PRKX: variants seen among roughly 807,000 people sequenced by gnomAD.
The protein encoded by PRKX is protein kinase cAMP-dependent X-linked catalytic subunit, also known as cAMP-dependent protein kinase catalytic subunit PRKX.
A neutral mutation model predicts 22.0 loss-of-function variants in PRKX; 12 were observed. The ratio of observed to expected loss-of-function variants is 0.54; its 90% CI spans 0.35 to 0.88. PRKX has a LOEUF of 0.88. PRKX is among the 40% of genes least tolerant of loss of function. PRKX has a pLI of 0.01. For synonymous variants in PRKX, 134 were observed against 137.7 expected (o/e 0.97, Z 0.19); for missense variants, 217 against 308.0 (o/e 0.70, Z 2.21).
intron 3 of PRKX, among the ~76,000 whole-genome samples, chrX:3,653,813 CTA>C (rs1175196001): frequency 4.9e-5 from 3 of 61,697 alleles, no homozygotes; most frequent in African/African-American, 2.0e-4. Context: ...ATATTATATA[CTA>C]TGTGATATAT....
At chrX:3,712,563 G>A (rs1352765271) in intron 1 of PRKX, among the ~76,000 whole-genome samples, 1 of 112,411 alleles carries the variant, frequency 8.9e-6, no homozygotes, top group Non-Finnish European at 1.9e-5. Flanking sequence ...TGCCGTCCTC[G>A]TCCCCACAGC....
chrX:3,683,715 C>T (rs191949629), intron 1 of PRKX, among the ~76,000 whole-genome samples: 139 of 110,998 alleles, frequency 1.3e-3, no homozygotes, highest in Non-Finnish European at 1.2e-3. Flanking sequence ...GGTGCACAGC[C>T]GTCGTCCCAA....
intron 3 of PRKX, among the ~76,000 whole-genome samples, chrX:3,650,224 G>T (rs1927289786): frequency 9.0e-6 from 1 of 111,681 alleles, no homozygotes; most frequent in South Asian, 3.8e-4. Flanking sequence ...TTTACCCCAT[G>T]CTATAAGAGA....
intron 3 of PRKX, among the ~76,000 whole-genome samples, chrX:3,650,879 TAAA>T (rs57311083): frequency 2.4e-5 from 2 of 82,005 alleles, no homozygotes; most frequent in African/African-American, 5.2e-5. Context: ...ACCCTGTCTT[TAAA>T]AAAAAAAAAA....
intron 6 of PRKX, among the ~76,000 whole-genome samples, chrX:3,619,247 A>C (rs1331130701): frequency 9.0e-6 from 1 of 110,905 alleles, no homozygotes; most frequent in Non-Finnish European, 1.9e-5. Flanking sequence ...GCCATGTGAA[A>C]ATGGAGGTGG....
intron 4 of PRKX, among the ~76,000 whole-genome samples, chrX:3,640,747 G>C: frequency 9.0e-6 from 1 of 111,542 alleles, no homozygotes; most frequent in Non-Finnish European, 1.9e-5. Context: ...TAAGTCACAG[G>C]ACAAGATAGG....
chrX:3,654,056 A>C (rs1374427430), intron 3 of PRKX, among the ~76,000 whole-genome samples: 3 of 83,306 alleles, frequency 3.6e-5, no homozygotes, highest in Non-Finnish European at 6.4e-5. Context: ...TATATATTAT[A>C]TAGTATAATA....
intron 1 of PRKX, among the ~76,000 whole-genome samples, chrX:3,685,094 C>G (rs6641845): frequency 0.18 from 19,857 of 110,643 alleles, 1,444 homozygotes; most frequent in East Asian, 0.39. Context: ...TGGGATTACA[C>G]GCATGAGCCA....
chrX:3,693,597 T>G (rs1007597519), intron 1 of PRKX, among the ~76,000 whole-genome samples: 12 of 111,220 alleles, frequency 1.1e-4, no homozygotes, highest in Non-Finnish European at 1.7e-4. Flanking sequence ...CAAAAATATG[T>G]CTACATCCTA....
chrX:3,697,486 C>T (rs139338145), intron 1 of PRKX, among the ~76,000 whole-genome samples: 1,389 of 111,476 alleles, frequency 0.012, 22 homozygotes, highest in African/African-American at 0.043. Context: ...GAGAACAATC[C>T]TACTTCTTAC....
intron 1 of PRKX, among the ~76,000 whole-genome samples, chrX:3,702,956 A>C (rs894508020): frequency 8.1e-5 from 9 of 110,757 alleles, no homozygotes; most frequent in African/African-American, 2.3e-4. Context: ...CTGGCCTTCC[A>C]AAGTGCTGGG....
intron 3 of PRKX, among the ~76,000 whole-genome samples, chrX:3,652,018 T>C (rs143329262): frequency 0.011 from 1,265 of 111,553 alleles, 22 homozygotes; most frequent in African/African-American, 0.036. Context: ...TGAATGTAAA[T>C]TAAAGATCCA....
At chrX:3,705,796 G>C (rs1175964171) in intron 1 of PRKX, among the ~76,000 whole-genome samples, 1 of 105,324 alleles carries the variant, frequency 9.5e-6, no homozygotes, top group African/African-American at 3.5e-5. Flanking sequence ...ATGCCATTCC[G>C]CTGCCTCAGC....
intron 1 of PRKX, among the ~76,000 whole-genome samples, chrX:3,692,310 AGT>A (rs1337433762): frequency 9.1e-6 from 1 of 110,361 alleles, no homozygotes; most frequent in Non-Finnish European, 1.9e-5. Flanking sequence ...ATCCACCCCC[AGT>A]AGTGACAACC....
chrX:3,674,748 C>A lies in PRKX; in HGVS notation c.185G>T (p.Arg62Leu). Residue 62 changes from arginine to leucine, a missense_variant, in exon 2 of 9, where the codon CGG (arginine) becomes CTG (leucine). Transcript: ENST00000262848. The stretch of plus-strand genomic sequence containing the variant: ...TGTCTTCTCCTTCACCAGGTGCACC[C>A]GCCCGAACGTCCCAGTGCCTGGAGA... ...LATVGTGTFG[R>L]VHLVKEKTAK... 1 of 1,211,070 alleles carries A rather than the reference C, an allele frequency of 8.3e-7. No homozygotes were observed. The highest frequency in any genetic ancestry group is 1.1e-6 in the Non-Finnish European group (1 of 894,773).
intron 1 of PRKX, among the ~76,000 whole-genome samples, chrX:3,698,469 G>C (rs1356993307): frequency 2.0e-4 from 22 of 111,448 alleles, no homozygotes; most frequent in Admixed American, 1.8e-3. Flanking sequence ...TTACAGGCAT[G>C]AGCCACCGTG....
At position 3,604,999 on chromosome X, in the gene PRKX, T is replaced by G. The variant is rs1187720769; in HGVS notation, c.*3970A>C. The G allele has an allele frequency of 3.6e-5, 3 of 83,468 alleles. No homozygotes were observed. The highest frequency in any genetic ancestry group is 6.7e-5 in the Non-Finnish European group (3 of 44,575). 6.9% of individuals were successfully genotyped at this position (83,468 alleles called of 1,213,427 possible). A position where few individuals can be genotyped will look rare whatever the true frequency, so the allele number is the denominator to read the frequency against. ...AAAGGCTTGGTGAAAATACAGCCCC[T>G]CACCTTCACCAAGACACACACACAC... On this transcript the variant is annotated 3_prime_UTR_variant, in exon 9 of 9. Transcript: ENST00000262848.
intron 2 of PRKX, among the ~76,000 whole-genome samples, chrX:3,656,756 T>C (rs17331167): frequency 0.17 from 18,573 of 111,632 alleles, 1,314 homozygotes; most frequent in East Asian, 0.36. Context: ...GTTCCACAGA[T>C]GTTACATAGA....
intron 1 of PRKX, among the ~76,000 whole-genome samples, chrX:3,703,364 G>A (rs1329272719): frequency 1.8e-5 from 2 of 111,888 alleles, no homozygotes; most frequent in Non-Finnish European, 3.8e-5. Context: ...TGAAAGGCTG[G>A]AAGAACTGCC....
Sources: allele counts gnomAD v4.1 joint callset (sites outside exome capture counted in the v4.1 genomes callset), GRCh38; gene constraint gnomAD v4.1.1; transcripts MANE v1.5; gene names NCBI Gene and HGNC (gene_info 2026-07-23, HGNC 2026-07-21).